Variants in PDE4B observed in about 807,000 individuals in gnomAD.
The protein encoded by PDE4B is phosphodiesterase 4B.
PDE4B carries 20 observed loss-of-function variants against 82.2 expected under a neutral mutation model. That is an observed-to-expected ratio of 0.24 (90% CI 0.17 to 0.35). The LOEUF is 0.35. Among genes scored for constraint, PDE4B ranks in the 10% least tolerant of loss-of-function variants. PDE4B has a pLI of 1.00. For synonymous variants in PDE4B, 320 were observed against 318.9 expected (o/e 1.00, Z -0.04); for missense variants, 655 against 907.2 (o/e 0.72, Z 3.57).
At chr1:66,120,227 C>A (rs1645682340) in intron 3 of PDE4B, among the ~76,000 whole-genome samples, 1 of 152,176 alleles carries the variant, frequency 6.6e-6, no homozygotes, top group African/African-American at 2.4e-5. Context: ...CTTCCCTGAT[C>A]TTTCTAGAAG....
intron 3 of PDE4B, among the ~76,000 whole-genome samples, chr1:66,197,589 T>G (rs1388317294): frequency 6.6e-6 from 1 of 152,154 alleles, no homozygotes; most frequent in Non-Finnish European, 1.5e-5. Flanking sequence ...AAACCATCTT[T>G]GCTGTTTTCC....
intron 3 of PDE4B, among the ~76,000 whole-genome samples, chr1:65,942,940 T>C (rs1030405661): frequency 2.0e-5 from 3 of 152,062 alleles, no homozygotes; most frequent in Non-Finnish European, 2.9e-5. Flanking sequence ...CTTGCACATA[T>C]TTTCTCCCAT....
intron 1 of PDE4B, among the ~76,000 whole-genome samples, chr1:65,822,908 A>G (rs1645970228): frequency 6.6e-6 from 1 of 152,238 alleles, no homozygotes; most frequent in African/African-American, 2.4e-5. Flanking sequence ...CAGCAGAAAC[A>G]TACTAAGACA....
intron 8 of PDE4B, among the ~76,000 whole-genome samples, chr1:66,346,975 A>C (rs571143651): frequency 6.6e-6 from 1 of 152,176 alleles, no homozygotes; most frequent in Admixed American, 6.6e-5. Context: ...ACTAAGTTAC[A>C]GTACATATTT....
At chr1:65,962,702 G>T (rs1649603829) in intron 3 of PDE4B, among the ~76,000 whole-genome samples, 1 of 152,138 alleles carries the variant, frequency 6.6e-6, no homozygotes, top group African/African-American at 2.4e-5. Context: ...ACCTCGGAGA[G>T]AAATGGAGAG....
chr1:66,126,779 T>C (rs2503169), intron 3 of PDE4B, among the ~76,000 whole-genome samples: 147,663 of 152,300 alleles, frequency 0.97, 71,720 homozygotes, highest in East Asian at 1. Context: ...TTTCAAGATA[T>C]TTTTAATTAC....
chr1:66,138,782 C>A (rs1646111677), intron 3 of PDE4B, among the ~76,000 whole-genome samples: 1 of 152,180 alleles, frequency 6.6e-6, no homozygotes, highest in Non-Finnish European at 1.5e-5. Context: ...ACCCAAATCA[C>A]CAAGCTGGAC....
chr1:66,174,985 A>C (rs1194668078), intron 3 of PDE4B, among the ~76,000 whole-genome samples: 1 of 152,076 alleles, frequency 6.6e-6, no homozygotes, highest in Non-Finnish European at 1.5e-5. Context: ...TAAACCATCA[A>C]ATCTCATGAG....
intron 4 of PDE4B, among the ~76,000 whole-genome samples, chr1:66,248,345 G>T (rs903887396): frequency 1.3e-5 from 2 of 152,102 alleles, no homozygotes; most frequent in African/African-American, 2.4e-5. Flanking sequence ...GCCTTAAAAG[G>T]TTTCTGGGCA....
chr1:65,856,530 A>C (rs796397781), intron 1 of PDE4B, among the ~76,000 whole-genome samples: 2 of 152,208 alleles, frequency 1.3e-5, no homozygotes, highest in African/African-American at 4.8e-5. Flanking sequence ...GTATGACTGC[A>C]TAGTATTCCA....
At chr1:66,367,888 C>T (rs377339371) in intron 14 of PDE4B, 38 bp downstream of exon 14, 227 of 1,612,518 alleles carry the variant, frequency 1.4e-4, no homozygotes, top group Non-Finnish European at 1.8e-4. Flanking sequence ...CACTTACTGC[C>T]ATTCTCTCTG....
intron 7 of PDE4B, among the ~76,000 whole-genome samples, chr1:66,310,995 CT>C (rs1233369534): frequency 6.6e-6 from 1 of 152,164 alleles, no homozygotes; most frequent in African/African-American, 2.4e-5. Context: ...TCTGTCTCCC[CT>C]GTTGAACTGT....
intron 6 of PDE4B, 38 bp downstream of exon 6, chr1:66,257,901 C>G: frequency 7.4e-7 from 1 of 1,357,474 alleles, no homozygotes; most frequent in Non-Finnish European, 1.1e-6. Flanking sequence ...GAATCCCTAA[C>G]ATAAAGGCAA....
chr1:66,093,474 C>CT (rs200270787), intron 3 of PDE4B, among the ~76,000 whole-genome samples: 507 of 151,780 alleles, frequency 3.3e-3, no homozygotes, highest in African/African-American at 0.011. Context: ...TAAAATTGTG[C>CT]TTTTTTTTCA....
chr1:65,958,021 G>A lies in PDE4B; in HGVS notation c.281+39186G>A, dbSNP rs1028068930. Among the ~76,000 whole-genome samples the A allele has an allele frequency of 9.9e-5, 15 of 152,074 alleles. No homozygotes were observed. In the South Asian group the frequency reaches 1.9e-3, roughly 19 times the overall value. ...TTTTTTTCTTGTAATTGTATTGGGT[G>A]TTTAGTACAGTGCTGAAAAGAAGTG... On this transcript the variant is annotated intron_variant, in intron 3 of 16. Transcript: ENST00000341517.
chr1:66,059,864 A>C (rs1222983961), intron 3 of PDE4B, among the ~76,000 whole-genome samples: 1 of 152,156 alleles, frequency 6.6e-6, no homozygotes, highest in Admixed American at 6.5e-5. Context: ...TGGCTATATC[A>C]CATTGTTTTT....
At chr1:66,167,047 G>A (rs767352826) in intron 3 of PDE4B, among the ~76,000 whole-genome samples, 35 of 152,190 alleles carry the variant, frequency 2.3e-4, no homozygotes, top group Non-Finnish European at 4.6e-4. Context: ...TAAGACAGCC[G>A]ATAACAAATG....
intron 3 of PDE4B, among the ~76,000 whole-genome samples, chr1:66,240,472 C>T (rs1225131421): frequency 6.6e-6 from 1 of 152,154 alleles, no homozygotes; most frequent in Admixed American, 6.5e-5. Flanking sequence ...GATGGTGTTT[C>T]CCGGTGAAGT....
intron 3 of PDE4B, among the ~76,000 whole-genome samples, chr1:66,182,510 G>A (rs1376261514): frequency 1.3e-5 from 2 of 151,638 alleles, no homozygotes; most frequent in Non-Finnish European, 2.9e-5. Flanking sequence ...ACAAAATATT[G>A]CTAGGGAAAA....
Sources: gnomAD v4.1 joint callset for allele counts (sites outside exome capture counted in the v4.1 genomes callset) on GRCh38, gnomAD v4.1.1 for gene constraint, MANE v1.5 for transcripts, NCBI Gene and HGNC (gene_info 2026-07-23, HGNC 2026-07-21) for gene names.